ASTN1: variants seen among roughly 807,000 people sequenced by gnomAD.
The protein encoded by ASTN1 is astrotactin 1, also known as astrotactin-1.
A neutral mutation model predicts 140.7 loss-of-function variants in ASTN1; 41 were observed. The ratio of observed to expected loss-of-function variants is 0.29; its 90% CI spans 0.23 to 0.38. The LOEUF (loss-of-function observed/expected upper bound fraction) is 0.38, where lower values mean the gene tolerates loss of function less well. Among genes scored for constraint, ASTN1 ranks in the 10% least tolerant of loss-of-function variants. ASTN1 has a pLI of 1.00. For missense variants in ASTN1, 1,479 were observed against 1,678.8 expected (o/e 0.88, Z 2.08); for synonymous variants, 640 against 652.2 (o/e 0.98, Z 0.29).
chr1:177,144,702 G>C (rs1430027801), intron 1 of ASTN1, among the ~76,000 whole-genome samples: 1 of 150,310 alleles, frequency 6.7e-6, no homozygotes, highest in Non-Finnish European at 1.5e-5. Context: ...TACACAAAAG[G>C]AATCTACACA....
chr1:176,919,453 A>T (rs545444305), intron 16 of ASTN1, among the ~76,000 whole-genome samples: 3 of 152,230 alleles, frequency 2.0e-5, no homozygotes, highest in East Asian at 3.9e-4. Flanking sequence ...AAGGAATCAC[A>T]CTTCTTTTTT....
intron 7 of ASTN1, 121 bp from the exon 8 acceptor site, chr1:177,014,996 G>A (rs568708777): frequency 1.2e-6 from 1 of 846,622 alleles, no homozygotes; most frequent in African/African-American, 1.7e-5. Context: ...TAGCATGAAT[G>A]AGACAGTAAG....
At chr1:177,116,153 C>G (rs1316423398) in intron 1 of ASTN1, among the ~76,000 whole-genome samples, 3 of 152,268 alleles carry the variant, frequency 2.0e-5, no homozygotes, top group African/African-American at 7.2e-5. Flanking sequence ...ATAGCCAACA[C>G]CGAGGCAAAT....
At chr1:177,061,704 T>C (rs572796630) in intron 1 of ASTN1, among the ~76,000 whole-genome samples, 4 of 152,250 alleles carry the variant, frequency 2.6e-5, no homozygotes, top group African/African-American at 7.2e-5. Flanking sequence ...GAGTTGGTAA[T>C]TACTGTGAAG....
chr1:176,994,031 G>T (rs1320200430), intron 8 of ASTN1, among the ~76,000 whole-genome samples: 1 of 151,804 alleles, frequency 6.6e-6, no homozygotes, highest in East Asian at 1.9e-4. Flanking sequence ...GTGTGTGTGT[G>T]TGTGAATGTG....
At chr1:177,116,204 C>T (rs1233028002) in intron 1 of ASTN1, among the ~76,000 whole-genome samples, 2 of 152,072 alleles carry the variant, frequency 1.3e-5, no homozygotes, top group Admixed American at 6.6e-5. Context: ...ACTCCTTTGA[C>T]CACACAGCAT....
chr1:176,962,366 A>G (rs1324787919), intron 9 of ASTN1, among the ~76,000 whole-genome samples: 1 of 152,228 alleles, frequency 6.6e-6, no homozygotes, highest in African/African-American at 2.4e-5. Flanking sequence ...TAGGTTGAAC[A>G]TCAAGGTCTT....
chr1:177,084,596 A>T (rs1489368500), intron 1 of ASTN1, among the ~76,000 whole-genome samples: 2 of 151,802 alleles, frequency 1.3e-5, no homozygotes, highest in East Asian at 3.9e-4. Flanking sequence ...AGGGAAATCT[A>T]TTTATTTCCA....
Position 176,862,220 on chromosome 1 carries a change from A to G in ASTN1, c.*2064T>C, listed in dbSNP as rs1020199578. ...TTCTGCTGATCTTTGCTTTGAAAGTAGGGGAATCTCTGAGGCAGGTGCATT... is the reference window on the plus strand; with the variant it reads ...TTCTGCTGATCTTTGCTTTGAAAGTGGGGGAATCTCTGAGGCAGGTGCATT... On this transcript the variant is annotated 3_prime_UTR_variant, in exon 23 of 23. Transcript: ENST00000361833. 2 of 985,350 alleles carry G rather than the reference A, an allele frequency of 2.0e-6. No homozygotes were observed. The highest frequency in any genetic ancestry group is 2.4e-6 in the Non-Finnish European group (2 of 829,962). 61.0% of individuals were successfully genotyped at this position (985,350 alleles called of 1,614,324 possible).
intron 16 of ASTN1, among the ~76,000 whole-genome samples, chr1:176,912,846 G>T (rs1452694367): frequency 6.6e-6 from 1 of 152,104 alleles, no homozygotes; most frequent in Non-Finnish European, 1.5e-5. Flanking sequence ...AGATCTCTGC[G>T]ATTACTACAT....
chr1:176,997,787 A>G (rs1418426291), intron 8 of ASTN1, among the ~76,000 whole-genome samples: 2 of 152,154 alleles, frequency 1.3e-5, no homozygotes, highest in Non-Finnish European at 2.9e-5. Flanking sequence ...CACAGGCCTG[A>G]GGCATCCCAA....
intron 1 of ASTN1, among the ~76,000 whole-genome samples, chr1:177,120,556 G>T (rs1008219668): frequency 2.0e-5 from 3 of 152,250 alleles, no homozygotes; most frequent in African/African-American, 7.2e-5. Context: ...CAGCTTCTGG[G>T]TTTCTTTTCC....
intron 8 of ASTN1, among the ~76,000 whole-genome samples, chr1:176,982,739 CA>C (rs1239302847): frequency 6.6e-6 from 1 of 152,062 alleles, no homozygotes; most frequent in Non-Finnish European, 1.5e-5. Flanking sequence ...TTAACGTACC[CA>C]AAGAGATTCT....
Position 176,998,131 on chromosome 1 carries a change from C to T in ASTN1, c.1523+16660G>A, listed in dbSNP as rs796425948. 7.9e-5 allele frequency among the ~76,000 whole-genome samples: 12 copies of T among 152,190 alleles called. 1 individual carries two copies. Among genetic ancestry groups the T allele is most frequent in the African/African-American group, 2.9e-4 (12 of 41,508 alleles). On this transcript the variant is annotated intron_variant, in intron 8 of 22. Coordinates refer to ENST00000361833, the MANE Select transcript of ASTN1 (RefSeq NM_004319.3). ...CTGAAAGCCAGGATTTGGAGCCAGA[C>T]TATTAGGGTCACTCTATCTCCTTTT...
At chr1:177,014,167 AT>A (rs1327518176) in intron 8 of ASTN1, among the ~76,000 whole-genome samples, 1 of 152,180 alleles carries the variant, frequency 6.6e-6, no homozygotes, top group African/African-American at 2.4e-5. Context: ...TATGTTATAT[AT>A]TTTTTATCCC....
intron 2 of ASTN1, among the ~76,000 whole-genome samples, chr1:177,055,714 T>C (rs555219185): frequency 6.6e-6 from 1 of 152,324 alleles, no homozygotes; most frequent in South Asian, 2.1e-4. Context: ...ACATACAATA[T>C]GCCTAAATGT....
chr1:176,862,576 A>C lies in ASTN1; in HGVS notation c.*1708T>G, dbSNP rs1024868202. On this transcript the variant is annotated 3_prime_UTR_variant, in exon 23 of 23. Coordinates refer to ENST00000361833, the MANE Select transcript of ASTN1 (RefSeq NM_004319.3). The stretch of plus-strand genomic sequence containing the variant: ...TACTGAAAACAGAACTGGGTATCCC[A>C]GAGTAGCTAAGATCCTGTGCCCTGG... 3 of 985,256 alleles carry C rather than the reference A, an allele frequency of 3.0e-6. No individual in the cohort carries two copies. The African/African-American group carries it at 5.2e-5, about 17-fold the overall frequency. 61.0% of individuals were successfully genotyped at this position (985,256 alleles called of 1,614,324 possible). A position where few individuals can be genotyped will look rare whatever the true frequency, so the allele number is the denominator to read the frequency against.
rs200324368 is a variant in ASTN1, at chr1:177,033,178, CAG to C, written c.472-331_472-330del. On this transcript the variant is annotated intron_variant, in intron 2 of 22. Transcript: ENST00000361833. Reference sequence around the variant, plus strand: ...GTGTGCGTGATTTCAGCTGCAAAAACAGGGGAGAGCTTTTATGTATTAAGTTA... The same window carrying C: ...GTGTGCGTGATTTCAGCTGCAAAAACGGGAGAGCTTTTATGTATTAAGTTA... Among the ~76,000 whole-genome samples, 1,274 of 149,088 alleles carry C rather than the reference CAG, an allele frequency of 8.5e-3. 12 individuals carry two copies. The highest frequency in any genetic ancestry group is 0.012 in the Non-Finnish European group (838 of 67,506).
intron 8 of ASTN1, among the ~76,000 whole-genome samples, chr1:177,013,000 C>T (rs969035611): frequency 6.6e-6 from 1 of 152,202 alleles, no homozygotes; most frequent in African/African-American, 2.4e-5. Context: ...AGAAACTATG[C>T]AAACATTTCA....
Sources: gnomAD v4.1 joint callset for allele counts (sites outside exome capture counted in the v4.1 genomes callset) on GRCh38, gnomAD v4.1.1 for gene constraint, MANE v1.5 for transcripts, NCBI Gene and HGNC (gene_info 2026-07-23, HGNC 2026-07-21) for gene names.